The following GABRR2 variants were observed in gnomAD, a reference collection of about 807,000 sequenced individuals.
GABRR2 encodes gamma-aminobutyric acid type A receptor subunit rho2.
In GABRR2, 36 loss-of-function variants were observed where a neutral mutation model predicts 47.0. That is an observed-to-expected ratio of 0.77 (90% confidence interval 0.59 to 1.01). The LOEUF (loss-of-function observed/expected upper bound fraction) is 1.01, where lower values mean the gene tolerates loss of function less well. Ranked by LOEUF, GABRR2 falls within the 50% of genes least tolerant of loss-of-function variation. The pLI, the probability that GABRR2 is intolerant of heterozygous loss-of-function variation, is 0.00. For missense variants in GABRR2, 587 were observed against 594.6 expected (o/e 0.99, Z 0.13); for synonymous variants, 204 against 227.5 (o/e 0.90, Z 0.93).
chr6:89,267,910 A>G, intron 5 of GABRR2, 91 bp from the exon 6 acceptor site: 1 of 1,577,998 alleles, frequency 6.3e-7, no homozygotes, highest in Non-Finnish European at 8.7e-7. Flanking sequence ...CCAGAAGTAA[A>G]TAGGTCTTAA....
intron 1 of GABRR2, 91 bp downstream of exon 1, chr6:89,314,962 G>A (rs41273313): frequency 0.064 from 71,389 of 1,117,448 alleles, 3,476 homozygotes; most frequent in African/African-American, 0.21. Flanking sequence ...TATCTCAATA[G>A]GACCTTAGCC....
rs536606099 is a variant in GABRR2 at position 89,255,621 on chromosome 6, C to T, written c.*2049G>A. 6.6e-6 allele frequency among the ~76,000 whole-genome samples: 1 copy of T among 152,192 alleles called. No individual in the cohort carries two copies. The highest frequency in any genetic ancestry group is 1.9e-4 in the East Asian group (1 of 5,186). On this transcript the variant is annotated 3_prime_UTR_variant, in exon 9 of 9. Coordinates refer to ENST00000402938, the MANE Select transcript of GABRR2 (RefSeq NM_002043.5). ...GGCATGGTGGGGACCTGCCTTGATC[C>T]CTAGTGTTGTGGAAAAAGCTAGTCG...
At chr6:89,306,791 A>AAG (rs761390940) in intron 1 of GABRR2, among the ~76,000 whole-genome samples, 22 of 152,226 alleles carry the variant, frequency 1.4e-4, no homozygotes, top group African/African-American at 5.1e-4. Context: ...AACAAAAAAA[A>AAG]AGAGAGAGAA....
At chr6:89,302,928 C>G in intron 1 of GABRR2, 1 of 1,186,384 alleles carries the variant, frequency 8.4e-7, no homozygotes, top group Non-Finnish European at 1.2e-6. Flanking sequence ...CGGACATGTT[C>G]CAGCACAAGG....
chr6:89,302,347 C>T (rs1206616393), intron 1 of GABRR2: 2 of 565,290 alleles, frequency 3.5e-6, no homozygotes, highest in Admixed American at 1.9e-5. Context: ...CATCCACCAG[C>T]TGGTGGAGAA....
At chr6:89,265,791 G>A (rs1290072195) in intron 6 of GABRR2, 26 bp from the exon 7 acceptor site, 1 of 1,611,936 alleles carries the variant, frequency 6.2e-7, no homozygotes. Flanking sequence ...AGAAGCCAAT[G>A]AGGTTCCATC....
At chr6:89,314,115 T>C (rs977994418) in intron 1 of GABRR2, among the ~76,000 whole-genome samples, 1 of 151,674 alleles carries the variant, frequency 6.6e-6, no homozygotes, top group African/African-American at 2.4e-5. Context: ...TAAATATGCA[T>C]GTATTAGAGG....
chr6:89,298,574 C>A (rs1022848418), intron 2 of GABRR2, among the ~76,000 whole-genome samples: 1 of 152,176 alleles, frequency 6.6e-6, no homozygotes, highest in Non-Finnish European at 1.5e-5. Context: ...GGAAGCCAGC[C>A]CGCCTGGGTC....
chr6:89,279,372 T>C (rs879400499), intron 2 of GABRR2, among the ~76,000 whole-genome samples: 2 of 152,096 alleles, frequency 1.3e-5, no homozygotes, highest in African/African-American at 2.4e-5. Context: ...AAAGTGTGCA[T>C]GCGTGTGTGT....
intron 1 of GABRR2, chr6:89,302,334 G>A (rs745852964): frequency 5.0e-4 from 283 of 564,558 alleles, no homozygotes; most frequent in Non-Finnish European, 8.3e-4. Flanking sequence ...ACCCCATGCT[G>A]TCCATCCACC....
rs58430523 is a variant in GABRR2, at chr6:89,258,728, T to TAA, written c.1087-749_1087-748dup. ...AGAGCAAAACCCTGTCTCTTTTTTT[T>TAA]AAAAAAAAAAGAAAGAAAGAAAAAG... On this transcript the variant is annotated intron_variant, in intron 8 of 8. Coordinates refer to ENST00000402938, the MANE Select transcript of GABRR2 (RefSeq NM_002043.5). Among the ~76,000 whole-genome samples, 38 of 140,412 alleles carry TAA rather than the reference T, an allele frequency of 2.7e-4. No individual in the cohort carries two copies. The East Asian group carries it at 4.6e-3, about 17-fold the overall frequency. The allele number at this position is 140,412 out of a possible 152,430, so 92.1% of individuals were successfully genotyped here.
chr6:89,257,566 C>T lies in GABRR2; in HGVS notation c.*104G>A. On this transcript the variant is annotated 3_prime_UTR_variant, in exon 9 of 9. Transcript: ENST00000402938. ...GCTGCTCAGGGTGGTCCAGTAGCTG[C>T]TGCATTGTTTGGTGAGGGGCGTGTG... 2.2e-6 allele frequency: 2 copies of T among 919,144 alleles called. No homozygotes were observed. Among genetic ancestry groups the T allele is most frequent in the East Asian group, 2.6e-5 (1 of 38,156 alleles). The allele number at this position is 919,144 out of a possible 1,614,324, so 56.9% of individuals were successfully genotyped here.
chr6:89,259,883 CTTTTTTTT>C (rs59831214), intron 8 of GABRR2, among the ~76,000 whole-genome samples: 2 of 67,628 alleles, frequency 3.0e-5, no homozygotes, highest in Non-Finnish European at 6.8e-5. Context: ...CTCTCTCTCT[CTTTTTTTT>C]TTTTTTTGTT....
chr6:89,289,725 G>A (rs546648124), intron 2 of GABRR2, among the ~76,000 whole-genome samples: 158 of 152,154 alleles, frequency 1.0e-3, no homozygotes, highest in African/African-American at 3.6e-3. Context: ...AATCAACAAG[G>A]TCTTTGTCTT....
intron 2 of GABRR2, among the ~76,000 whole-genome samples, chr6:89,285,955 C>T (rs150950151): frequency 6.6e-6 from 1 of 152,106 alleles, no homozygotes; most frequent in Non-Finnish European, 1.5e-5. Context: ...CCCGACTCCT[C>T]CTCTCCCTCC....
chr6:89,266,787 A>T (rs904532450), intron 6 of GABRR2, among the ~76,000 whole-genome samples: 4 of 152,138 alleles, frequency 2.6e-5, no homozygotes, highest in African/African-American at 9.7e-5. Context: ...TCCCCCTCCC[A>T]TGAGTTCCTG....
At position 89,255,916 on chromosome 6, in the gene GABRR2, A is replaced by T. The variant is rs142362429; in HGVS notation, c.*1754T>A. Among the ~76,000 whole-genome samples the T allele has an allele frequency of 1.6e-3, 245 of 151,864 alleles. 2 individuals carry two copies. The highest frequency in any genetic ancestry group is 4.8e-3 in the African/African-American group (199 of 41,404). ...AACTTCAACTAATTTAAATAATAAT[A>T]ATTATTATTTTAGAGATAGGGTCTC... On this transcript the variant is annotated 3_prime_UTR_variant, in exon 9 of 9. Transcript: ENST00000402938.
rs1296465027 is a variant in GABRR2 at position 89,257,859 on chromosome 6, CCTTT to C, written c.1205_1208del (p.Glu402GlyfsTer5). The C allele has an allele frequency of 1.2e-6, 2 of 1,614,070 alleles. No homozygotes were observed. Among genetic ancestry groups the C allele is most frequent in the Admixed American group, 3.3e-5 (2 of 60,030 alleles). ...CCAGGTGGACCACTATTTTGTCTTG[CCTTT>C]CTTCTTCTGTCAGGATATGGCTTCT... On this transcript the variant is annotated frameshift_variant, in exon 9 of 9. Transcript: ENST00000402938. LOFTEE classifies it high-confidence loss of function.
intron 2 of GABRR2, among the ~76,000 whole-genome samples, chr6:89,289,177 A>G (rs1260986288): frequency 6.6e-6 from 1 of 152,250 alleles, no homozygotes; most frequent in Non-Finnish European, 1.5e-5. Flanking sequence ...AAAGAAGCAC[A>G]GATGTGCAGG....
Sources: allele counts gnomAD v4.1 joint callset (sites outside exome capture counted in the v4.1 genomes callset), GRCh38; gene constraint gnomAD v4.1.1; transcripts MANE v1.5; gene names NCBI Gene and HGNC (gene_info 2026-07-23, HGNC 2026-07-21).